The following XPNPEP1 variants were observed in gnomAD, a reference collection of about 807,000 sequenced individuals.
XPNPEP1 encodes xaa-Pro aminopeptidase 1.
A neutral mutation model predicts 92.4 loss-of-function variants in XPNPEP1; 39 were observed. The observed-to-expected ratio is 0.42, with a 90% CI of 0.33 to 0.55. XPNPEP1 has a LOEUF of 0.55. Ranked by LOEUF, XPNPEP1 falls within the 20% of genes least tolerant of loss-of-function variation. The pLI, the probability that XPNPEP1 is intolerant of heterozygous loss-of-function variation, is 0.08. For missense variants in XPNPEP1, 654 were observed against 856.1 expected (o/e 0.76, Z 2.95); for synonymous variants, 307 against 299.4 (o/e 1.03, Z -0.26).
chr10:109,877,904 G>A (rs769692829), intron 13 of XPNPEP1, 37 bp from the exon 14 acceptor site: 2 of 1,614,042 alleles, frequency 1.2e-6, no homozygotes, highest in East Asian at 2.2e-5. Context: ...TGGCTTAAAG[G>A]TTTTTACTGT....
chr10:109,890,888 G>A (rs1021921103), intron 5 of XPNPEP1, among the ~76,000 whole-genome samples: 1 of 152,094 alleles, frequency 6.6e-6, no homozygotes, highest in African/African-American at 2.4e-5. Flanking sequence ...GTGAGTCTGA[G>A]GACTATTTTC....
intron 10 of XPNPEP1, among the ~76,000 whole-genome samples, 182 bp from the exon 11 acceptor site, chr10:109,881,113 A>G (rs577224836): frequency 6.6e-6 from 1 of 152,264 alleles, no homozygotes; most frequent in East Asian, 1.9e-4. Flanking sequence ...GATGACCCTG[A>G]GCTTAAGCTC....
At chr10:109,892,947 C>G in intron 4 of XPNPEP1, 65 bp downstream of exon 4, 2 of 1,520,174 alleles carry the variant, frequency 1.3e-6, no homozygotes, top group Non-Finnish European at 1.8e-6. Context: ...GGCTGAAACT[C>G]GGTTCAGTTA....
chr10:109,870,581 G>T, intron 18 of XPNPEP1, 150 bp downstream of exon 18: 1 of 1,007,252 alleles, frequency 9.9e-7, no homozygotes, highest in Non-Finnish European at 1.4e-6. Context: ...TTTCTAAAAT[G>T]AACATGTATC....
At chr10:109,897,980 C>T (rs1223061944) in intron 3 of XPNPEP1, among the ~76,000 whole-genome samples, 2 of 152,198 alleles carry the variant, frequency 1.3e-5, no homozygotes, top group Non-Finnish European at 2.9e-5. Flanking sequence ...AAAGCCCATA[C>T]CCTTGCAAGC....
Position 109,888,252 on chromosome 10 carries a change from G to A in XPNPEP1, c.509-60C>T, listed in dbSNP as rs902993288. The A allele has an allele frequency of 7.6e-6, 12 of 1,572,900 alleles. No homozygotes were observed. In the African/African-American group the frequency reaches 1.5e-4, roughly 19 times the overall value. On this transcript the variant is annotated intron_variant, in intron 6 of 20. Transcript: ENST00000502935. ...AACGCCCATTGCAGCAGGGCAGGGA[G>A]CAGGGCCTTGAAAGTCCAGAACCTT... is the stretch of plus-strand genomic sequence containing the variant.
intron 17 of XPNPEP1, among the ~76,000 whole-genome samples, chr10:109,871,193 G>A (rs772081653): frequency 2.0e-5 from 3 of 151,950 alleles, no homozygotes; most frequent in East Asian, 3.9e-4. Flanking sequence ...CCAGCTCTGC[G>A]ACCCTAAGGT....
intron 16 of XPNPEP1, 33 bp downstream of exon 16, chr10:109,873,334 G>C: frequency 1.9e-6 from 3 of 1,612,760 alleles, no homozygotes; most frequent in Non-Finnish European, 2.5e-6. Context: ...AGAAAGCAGA[G>C]AGGACCTCTT....
At chr10:109,911,896 T>C (rs1381733198) in intron 2 of XPNPEP1, among the ~76,000 whole-genome samples, 2 of 152,366 alleles carry the variant, frequency 1.3e-5, no homozygotes, top group East Asian at 3.9e-4. Flanking sequence ...ACTGGGTGTT[T>C]AGTGCTGATT....
At chr10:109,915,161 GT>G in intron 1 of XPNPEP1, 62 bp from the exon 2 acceptor site, 1 of 1,034,892 alleles carries the variant, frequency 9.7e-7, no homozygotes, top group Non-Finnish European at 1.4e-6. Flanking sequence ...GCAAGGCTCA[GT>G]TAGAGGAGGC....
intron 1 of XPNPEP1, chr10:109,923,145 G>A (rs1850647994): frequency 1.0e-6 from 1 of 983,514 alleles, no homozygotes; most frequent in Admixed American, 6.1e-5. Context: ...GCAGTTCCGC[G>A]GGCATACGCG....
At chr10:109,889,375 G>T (rs1464208119) in intron 5 of XPNPEP1, among the ~76,000 whole-genome samples, 1 of 152,126 alleles carries the variant, frequency 6.6e-6, no homozygotes, top group Non-Finnish European at 1.5e-5. Flanking sequence ...AGTTAATTCT[G>T]TATTTTTAGT....
Position 109,880,826 on chromosome 10 carries a change from C to T in XPNPEP1, c.1131+16G>A. 6.2e-7 allele frequency: 1 copy of T among 1,612,866 alleles called. No homozygotes were observed. The highest frequency in any genetic ancestry group is 8.5e-7 in the Non-Finnish European group (1 of 1,179,438). ...CCACCTCACATCCCATCTTCTGCAC[C>T]AGCTCCTCTACTCACGTGAGCCCGC... is the stretch of plus-strand genomic sequence containing the variant. On this transcript the variant is annotated intron_variant, in intron 11 of 20. Transcript: ENST00000502935.
At chr10:109,907,304 T>C (rs1210457417) in intron 3 of XPNPEP1, among the ~76,000 whole-genome samples, 3 of 152,190 alleles carry the variant, frequency 2.0e-5, no homozygotes, top group African/African-American at 7.2e-5. Context: ...CCTTTTACCC[T>C]ACCGCCCATC....
At chr10:109,893,736 G>C (rs1247420780) in intron 3 of XPNPEP1, among the ~76,000 whole-genome samples, 2 of 152,184 alleles carry the variant, frequency 1.3e-5, no homozygotes, top group African/African-American at 2.4e-5. Flanking sequence ...ATTCTTACGC[G>C]TGGGCAAAGG....
rs1458708743 is a variant in XPNPEP1 at position 109,880,943 on chromosome 10, G to A, written c.1042-12C>T. 6.2e-7 allele frequency: 1 copy of A among 1,611,478 alleles called. No homozygotes were observed. The highest frequency in any genetic ancestry group is 1.1e-5 in the South Asian group (1 of 90,722). ...CAGCAGCGGTGGTCCTAGAGGCAAA[G>A]GGCAGTAGGGTGGGAAATCAAACCG... On this transcript the variant is annotated splice_polypyrimidine_tract_variant and intron_variant, in intron 10 of 20. Coordinates refer to ENST00000502935, the MANE Select transcript of XPNPEP1 (RefSeq NM_020383.4).
At chr10:109,868,087 C>T (rs1340049575) in intron 20 of XPNPEP1, among the ~76,000 whole-genome samples, 1 of 152,186 alleles carries the variant, frequency 6.6e-6, no homozygotes, top group Non-Finnish European at 1.5e-5. Context: ...GGTTTCACTG[C>T]CCCAGAGTGA....
Position 109,865,190 on chromosome 10 carries a change from C to T in XPNPEP1, c.1995G>A (p.Gln665=), listed in dbSNP as rs770216186. 1.1e-5 allele frequency: 18 copies of T among 1,614,042 alleles called. No individual in the cohort carries two copies. The highest frequency in any genetic ancestry group is 1.5e-5 in the Non-Finnish European group (18 of 1,180,030). Residue 665 remains glutamine (Q), a synonymous_variant, in exon 21 of 21, where the codon CAG becomes CAA. Transcript: ENST00000502935. ...LIRETQPISK[Q]H The stretch of plus-strand genomic sequence containing the variant: ...AAAACCGGGGAGGTATTTATTAATG[C>T]TGTTTGGAGATGGGTTGCGTCTCTC...
chr10:109,868,916 G>A (rs1036631423), intron 19 of XPNPEP1, among the ~76,000 whole-genome samples: 2 of 152,178 alleles, frequency 1.3e-5, no homozygotes, highest in African/African-American at 4.8e-5. Context: ...ACAATGGCCT[G>A]TGCCATCAGG....
Sources: allele counts gnomAD v4.1 joint callset (sites outside exome capture counted in the v4.1 genomes callset), GRCh38; gene constraint gnomAD v4.1.1; transcripts MANE v1.5; gene names NCBI Gene and HGNC (gene_info 2026-07-23, HGNC 2026-07-21).